The following ADARB1 variants were observed in gnomAD, a reference collection of about 807,000 sequenced individuals.
ADARB1 encodes the protein adenosine deaminase RNA specific B1.
A neutral mutation model predicts 52.4 loss-of-function variants in ADARB1; 10 were observed. The ratio of observed to expected loss-of-function variants is 0.19; its 90% CI spans 0.12 to 0.32. The LOEUF is 0.32. Among genes scored for constraint, ADARB1 ranks in the 10% least tolerant of loss-of-function variants. The probability of loss-of-function intolerance (pLI) is 1.00; values close to 1 mark genes in which losing one functional copy is unlikely to be tolerated. For synonymous variants in ADARB1, 349 were observed against 371.1 expected (o/e 0.94, Z 0.68); for missense variants, 643 against 922.3 (o/e 0.70, Z 3.92).
chr21:45,110,744 AT>A (rs1404822393), intron 1 of ADARB1, among the ~76,000 whole-genome samples: 4 of 152,188 alleles, frequency 2.6e-5, no homozygotes, highest in Admixed American at 2.0e-4. Context: ...TTTTACCATT[AT>A]TTTAAAAACT....
chr21:45,181,521 GACT>G (rs755501632), intron 5 of ADARB1: 11 of 152,306 alleles, frequency 7.2e-5, no homozygotes, highest in Non-Finnish European at 1.0e-4. Context: ...CCCTAGGTAA[GACT>G]CCCTGCCTCT....
chr21:45,225,244 G>A lies in ADARB1; in HGVS notation c.*3047G>A, dbSNP rs2093042799. 2.7e-6 allele frequency: 3 copies of A among 1,123,176 alleles called. No individual in the cohort carries two copies. Among genetic ancestry groups the A allele is most frequent in the Non-Finnish European group, 3.3e-6 (3 of 919,356 alleles). 69.6% of individuals were successfully genotyped at this position (1,123,176 alleles called of 1,614,324 possible). A position where few individuals can be genotyped will look rare whatever the true frequency, so the allele number is the denominator to read the frequency against. On this transcript the variant is annotated 3_prime_UTR_variant, in exon 11 of 11. Coordinates refer to ENST00000348831, the MANE Select transcript of ADARB1 (RefSeq NM_001112.4). ...GAGGCAGCGACAGGTCCAGATGGATGTCGTCACCACCTTCCTCAGCTCTCA... is the reference window on the plus strand; with the variant it reads ...GAGGCAGCGACAGGTCCAGATGGATATCGTCACCACCTTCCTCAGCTCTCA...
chr21:45,148,013 T>C (rs2090092725), intron 2 of ADARB1, among the ~76,000 whole-genome samples: 1 of 151,760 alleles, frequency 6.6e-6, no homozygotes, highest in South Asian at 2.1e-4. Flanking sequence ...CCTCTCGAAC[T>C]CACCCCACCA....
chr21:45,126,525 T>C (rs1239906911), intron 1 of ADARB1, among the ~76,000 whole-genome samples: 1 of 152,182 alleles, frequency 6.6e-6, no homozygotes, highest in Non-Finnish European at 1.5e-5. Flanking sequence ...CTCCATTTAA[T>C]CCTCACGGCA....
intron 1 of ADARB1, among the ~76,000 whole-genome samples, chr21:45,093,043 T>C (rs1372856716): frequency 1.3e-5 from 2 of 151,952 alleles, no homozygotes; most frequent in Non-Finnish European, 2.9e-5. Context: ...TTCTGATGAG[T>C]CTCAGCTTAT....
At chr21:45,167,967 T>C (rs1433908841) in intron 2 of ADARB1, among the ~76,000 whole-genome samples, 1 of 151,982 alleles carries the variant, frequency 6.6e-6, no homozygotes, top group African/African-American at 2.4e-5. Flanking sequence ...CTATGAGAGA[T>C]CCCTTTTCTC....
intron 2 of ADARB1, among the ~76,000 whole-genome samples, chr21:45,132,812 A>G (rs989175140): frequency 1.3e-5 from 2 of 152,216 alleles, no homozygotes; most frequent in Non-Finnish European, 2.9e-5. Flanking sequence ...CAGGAGAGTA[A>G]GATGTTACCT....
chr21:45,075,314 C>G (rs1409867137), intron 1 of ADARB1, among the ~76,000 whole-genome samples: 2 of 150,450 alleles, frequency 1.3e-5, no homozygotes, highest in African/African-American at 4.9e-5. Context: ...ACGCTCCGCC[C>G]GGCATGGGAC....
intron 1 of ADARB1, among the ~76,000 whole-genome samples, chr21:45,103,122 T>A (rs1239944413): frequency 6.6e-6 from 1 of 152,014 alleles, no homozygotes; most frequent in East Asian, 1.9e-4. Context: ...TCTGAGAAAC[T>A]CACAGCCAAG....
chr21:45,211,202 C>G (rs924751404), intron 9 of ADARB1, among the ~76,000 whole-genome samples: 2 of 152,176 alleles, frequency 1.3e-5, no homozygotes. Flanking sequence ...GTGTTTATTT[C>G]TCTGTCAGCT....
At chr21:45,155,725 ACCC>A (rs2090525939) in intron 2 of ADARB1, among the ~76,000 whole-genome samples, 1 of 90,838 alleles carries the variant, frequency 1.1e-5, no homozygotes, top group Admixed American at 1.1e-4. Context: ...TCATCCATCC[ACCC>A]ACCCACCCAC....
At chr21:45,161,483 C>A (rs919411930) in intron 2 of ADARB1, among the ~76,000 whole-genome samples, 1 of 152,240 alleles carries the variant, frequency 6.6e-6, no homozygotes, top group Non-Finnish European at 1.5e-5. Flanking sequence ...GCAGTGCTGA[C>A]ATGCCAGCAC....
intron 8 of ADARB1, among the ~76,000 whole-genome samples, chr21:45,190,997 T>C (rs1032322127): frequency 1.3e-5 from 2 of 152,192 alleles, no homozygotes; most frequent in African/African-American, 4.8e-5. Context: ...AGTTTTACAA[T>C]GGACTGGATA....
chr21:45,205,560 G>A (rs1008246922), intron 9 of ADARB1, among the ~76,000 whole-genome samples: 1 of 152,234 alleles, frequency 6.6e-6, no homozygotes, highest in Non-Finnish European at 1.5e-5. Context: ...ATGGTGACAG[G>A]TGGAACCAGG....
chr21:45,181,784 A>T (rs6518214), intron 5 of ADARB1, among the ~76,000 whole-genome samples: 5 of 152,096 alleles, frequency 3.3e-5, no homozygotes, highest in African/African-American at 1.2e-4. Context: ...GGTTGAGTGG[A>T]CTTGGGCAGG....
At chr21:45,184,581 G>A (rs766198695) in intron 7 of ADARB1, 5 of 339,566 alleles carry the variant, frequency 1.5e-5, no homozygotes, top group Non-Finnish European at 2.3e-5. Flanking sequence ...CTTCCAAGGA[G>A]CTGGGACTAC....
rs1431473210 is a variant in ADARB1, at chr21:45,113,869, T to C, written c.-219-14533T>C. ...TGTTTCAGATATTTCAAACTGGAAGTCACAAGTAGCTTTTACTTTTGCAAG... is the reference window on the plus strand; with the variant it reads ...TGTTTCAGATATTTCAAACTGGAAGCCACAAGTAGCTTTTACTTTTGCAAG... On this transcript the variant is annotated intron_variant, in intron 1 of 10. Coordinates refer to ENST00000348831, the MANE Select transcript of ADARB1 (RefSeq NM_001112.4). 1.1e-3 allele frequency among the ~76,000 whole-genome samples: 165 copies of C among 152,186 alleles called. 1 individual carries two copies.
intron 1 of ADARB1, among the ~76,000 whole-genome samples, chr21:45,109,586 G>C (rs1309470383): frequency 6.6e-6 from 1 of 152,224 alleles, no homozygotes; most frequent in East Asian, 1.9e-4. Flanking sequence ...CCCAGGACTG[G>C]AGGCTCCGTG....
intron 1 of ADARB1, among the ~76,000 whole-genome samples, chr21:45,075,316 G>C (rs2085881086): frequency 6.6e-6 from 1 of 150,988 alleles, no homozygotes; most frequent in South Asian, 2.1e-4. Context: ...GCTCCGCCCG[G>C]CATGGGACGC....
Sources: gnomAD v4.1 joint callset for allele counts (sites outside exome capture counted in the v4.1 genomes callset) on GRCh38, gnomAD v4.1.1 for gene constraint, MANE v1.5 for transcripts, NCBI Gene and HGNC (gene_info 2026-07-23, HGNC 2026-07-21) for gene names.